Variants in IDI2 observed in about 807,000 individuals in gnomAD.
IDI2 encodes the protein isopentenyl-diphosphate delta-isomerase 2.
Under a neutral mutation model 14.8 loss-of-function variants are expected in IDI2, and 18 were observed. The observed-to-expected ratio is 1.22, with a 90% CI of 0.84 to 1.80. The LOEUF is 1.80. Among genes scored for constraint, IDI2 ranks in the 40% most tolerant of loss-of-function variants. The pLI, the probability that IDI2 is intolerant of heterozygous loss-of-function variation, is 0.00. For missense variants in IDI2, 316 were observed against 283.2 expected (o/e 1.12, Z -0.83); for synonymous variants, 133 against 109.6 (o/e 1.21, Z -1.33).
intron 2 of IDI2, among the ~76,000 whole-genome samples, chr10:1,023,666 G>A (rs1490965043): frequency 2.6e-5 from 4 of 152,140 alleles, no homozygotes; most frequent in African/African-American, 7.2e-5. Context: ...CAGAGGCTGC[G>A]AAGGGCAGTG....
chr10:1,025,051 C>CACACACACACACACAA (rs1171753367), intron 1 of IDI2, among the ~76,000 whole-genome samples: 65 of 137,872 alleles, frequency 4.7e-4, no homozygotes, highest in Admixed American at 1.5e-4. Context: ...CACACACACA[C>CACACACACACACACAA]AAAACACACC....
chr10:1,023,369 G>C (rs34884971), intron 2 of IDI2, among the ~76,000 whole-genome samples: 1 of 151,672 alleles, frequency 6.6e-6, no homozygotes, highest in Non-Finnish European at 1.5e-5. Flanking sequence ...CAAGCTACTC[G>C]GGAGGCTGAG....
rs1483362574 is a variant in IDI2 at position 1,022,733 on chromosome 10, T to C, written c.185A>G (p.Lys62Arg). The change falls in exon 3 of 5, where the codon AAG becomes AGG. Residue 62 changes from lysine to arginine, a missense_variant. Lys to Arg is a conservative substitution (Grantham distance 26). Transcript: ENST00000277517. ...RAFSVVLFNT[K>R]NRILIQQRSD... ...CCTCTGCTGTATCAGGATTCGATTC[T>C]TGGTGTTAAACAAGACAACGCTGAA... The C allele has an allele frequency of 6.2e-7, 1 of 1,614,088 alleles. No homozygotes were observed. Among genetic ancestry groups the C allele is most frequent in the African/African-American group, 1.3e-5 (1 of 74,942 alleles).
chr10:1,022,706 G>T lies in IDI2; in HGVS notation c.212C>A (p.Ser71Ter), dbSNP rs770536353. The T allele has an allele frequency of 6.2e-7, 1 of 1,613,914 alleles. No individual in the cohort carries two copies. The highest frequency in any genetic ancestry group is 8.5e-7 in the Non-Finnish European group (1 of 1,179,822). ...ACCAGGAAACGTGACTTTCGTGTCC[G>T]ACCTCTGCTGTATCAGGATTCGATT... is the stretch of plus-strand genomic sequence containing the variant. ...TKNRILIQQR[S>*]DTKVTFPGYF... Residue 71 changes from serine (S) to a stop codon, truncating the protein, a stop_gained, in exon 3 of 5, where the codon TCG (serine) becomes TAG (stop). Transcript: ENST00000277517. LOFTEE classifies it high-confidence loss of function.
At chr10:1,024,963 T>C (rs1396340179) in intron 1 of IDI2, among the ~76,000 whole-genome samples, 1 of 151,400 alleles carries the variant, frequency 6.6e-6, no homozygotes, top group Non-Finnish European at 1.5e-5. Flanking sequence ...ATACTCCTCA[T>C]GTTTTCCAGG....
Position 1,022,677 on chromosome 10 carries a change from A to C in IDI2, c.235+6T>G. On this transcript the variant is annotated splice_donor_region_variant and intron_variant, in intron 3 of 4. Transcript: ENST00000277517. ...TTCAGTCCGGGGCTTGGTTGAACGG[A>C]CTCACCAGGAAACGTGACTTTCGTG... is the stretch of plus-strand genomic sequence containing the variant. 2 of 1,608,186 alleles carry C rather than the reference A, an allele frequency of 1.2e-6. No individual in the cohort carries two copies. Among genetic ancestry groups the C allele is most frequent in the Non-Finnish European group, 1.7e-6 (2 of 1,174,758 alleles).
chr10:1,024,521 C>T (rs3793777), intron 2 of IDI2, 61 bp downstream of exon 2: 888,912 of 1,581,238 alleles, frequency 0.56, 252,070 homozygotes, highest in African/African-American at 0.66. Flanking sequence ...CTTAGGTTGC[C>T]GTCGGGTGGG....
In IDI2 at chr10:1,022,169, C is replaced by G. The variant is rs907086049; in HGVS notation, c.235+514G>C. On this transcript the variant is annotated intron_variant, in intron 3 of 4. Coordinates refer to ENST00000277517, the MANE Select transcript of IDI2 (RefSeq NM_033261.3). Reference sequence around the variant, plus strand: ...AGCTACTTGGGAGGCTGAGGCAGGACAATGGCGTGAACCCAGGAGGCGGGG... The same window carrying G: ...AGCTACTTGGGAGGCTGAGGCAGGAGAATGGCGTGAACCCAGGAGGCGGGG... 7.9e-5 allele frequency among the ~76,000 whole-genome samples: 12 copies of G among 151,250 alleles called. No individual in the cohort carries two copies. The East Asian group carries it at 1.4e-3, about 17-fold the overall frequency.
chr10:1,019,287 A>C lies in IDI2; in HGVS notation c.*230T>G. ...TATAAAATGGAAATTGGGACAAAGG[A>C]AATGTTAAATTTCCTCCCTGCAACC... On this transcript the variant is annotated 3_prime_UTR_variant, in exon 5 of 5. Coordinates refer to ENST00000277517, the MANE Select transcript of IDI2 (RefSeq NM_033261.3). 1 of 496,576 alleles carries C rather than the reference A, an allele frequency of 2.0e-6. No homozygotes were observed. Among genetic ancestry groups the C allele is most frequent in the Non-Finnish European group, 3.6e-6 (1 of 278,880 alleles). The allele number at this position is 496,576 out of a possible 1,614,324, so 30.8% of individuals were successfully genotyped here. A position where few individuals can be genotyped will look rare whatever the true frequency, so the allele number is the denominator to read the frequency against.
intron 1 of IDI2, among the ~76,000 whole-genome samples, chr10:1,025,047 CACACAA>C (rs973454067): frequency 8.0e-6 from 1 of 125,312 alleles, no homozygotes; most frequent in African/African-American, 3.1e-5. Context: ...CACACACACA[CACACAA>C]AACACACCGA....
At chr10:1,020,687 C>G (rs1194046843) in intron 4 of IDI2, 80 bp downstream of exon 4, 1 of 1,216,024 alleles carries the variant, frequency 8.2e-7, no homozygotes, top group African/African-American at 1.8e-5. Flanking sequence ...GGTGTAGATC[C>G]AGCCTGGACT....
At chr10:1,024,876 A>G in intron 1 of IDI2, 132 bp from the exon 2 acceptor site, 1 of 821,048 alleles carries the variant, frequency 1.2e-6, no homozygotes, top group South Asian at 1.7e-5. Flanking sequence ...TTGAAGCAGC[A>G]CAGTTCTGAG....
Position 1,024,685 on chromosome 10 carries a change from C to CG in IDI2, c.38_39insC (p.Gln13HisfsTer14), listed in dbSNP as rs1320504231. The CG allele has an allele frequency of 6.2e-7, 1 of 1,614,234 alleles. No individual in the cohort carries two copies. The highest frequency in any genetic ancestry group is 8.5e-7 in the Non-Finnish European group (1 of 1,180,042). ...TCAGCATTTCCTCCAAGCGCTGCAA[C>CG]TGACGCCTGTCAACCCAGTCAAGAT... On this transcript the variant is annotated frameshift_variant, in exon 2 of 5. Transcript: ENST00000277517. LOFTEE classifies it high-confidence loss of function.
In IDI2 at chr10:1,024,695, T is replaced by C. The variant is rs1832180611; in HGVS notation, c.29A>G (p.Asp10Gly). The change falls in exon 2 of 5, where the codon GAC (aspartate) becomes GGC (glycine). Residue 10 changes from aspartate to glycine, a missense_variant. Asp to Gly is a moderately conservative substitution (Grantham distance 94). Coordinates refer to ENST00000277517, the MANE Select transcript of IDI2 (RefSeq NM_033261.3). ...CTCCAAGCGCTGCAACTGACGCCTG[T>C]CAACCCAGTCAAGATTTATGTCAGA... MSDINLDWV[D>G]RRQLQRLEEM... 1 of 1,614,178 alleles carries C rather than the reference T, an allele frequency of 6.2e-7. No homozygotes were observed. Among genetic ancestry groups the C allele is most frequent in the East Asian group, 2.2e-5 (1 of 44,884 alleles).
intron 1 of IDI2, 72 bp from the exon 2 acceptor site, chr10:1,024,816 A>G (rs937673482): frequency 4.1e-6 from 6 of 1,457,164 alleles, no homozygotes; most frequent in South Asian, 2.4e-5. Flanking sequence ...TGTGTTACCA[A>G]CCACATTAGG....
At position 1,020,776 on chromosome 10, in the gene IDI2, A is replaced by G; in HGVS notation, c.357T>C (p.Pro119=). ...TGGATGCTGTGTGTACCTGCTCCCC[A>G]GGAATTCCCAGCTCTGCTTGCAGAC... The part of the protein sequence containing the change: ...QRRLQAELGI[P]GEQISPEDIV... The change falls in exon 4 of 5, where the codon CCT becomes CCC. Residue 119 remains proline (P), a synonymous_variant. Transcript: ENST00000277517. 5 of 1,611,838 alleles carry G rather than the reference A, an allele frequency of 3.1e-6. No homozygotes were observed. Among genetic ancestry groups the G allele is most frequent in the East Asian group, 2.2e-5 (1 of 44,854 alleles).
rs371814703 is a variant in IDI2, at chr10:1,020,802, G to A, written c.331C>T (p.Arg111Cys). 3.1e-6 allele frequency: 5 copies of A among 1,613,242 alleles called. No homozygotes were observed. The highest frequency in any genetic ancestry group is 2.7e-5 in the African/African-American group (2 of 74,880). The change falls in exon 4 of 5, where the codon CGT (arginine) becomes TGT (cysteine). Residue 111 changes from arginine (R) to cysteine (C), a missense_variant. Coordinates refer to ENST00000277517, the MANE Select transcript of IDI2 (RefSeq NM_033261.3). ...AIGVRRAAQRRLQAELGIPGE... is the reference protein window; with the variant it reads ...AIGVRRAAQRCLQAELGIPGE... ...GGAATTCCCAGCTCTGCTTGCAGAC[G>A]CCTCTGGGCTGCCCTCCTCACTCCG... is the stretch of plus-strand genomic sequence containing the variant.
rs767636143 is a variant in IDI2 at position 1,020,347 on chromosome 10, C to T, written c.366+420G>A. ...CTGGGATTACAGGCGTGTGCCACTA[C>T]GCCCAGCTAATTTTTGTACTTTTAA... On this transcript the variant is annotated intron_variant, in intron 4 of 4. Transcript: ENST00000277517. Among the ~76,000 whole-genome samples, 102 of 152,050 alleles carry T rather than the reference C, an allele frequency of 6.7e-4. 1 individual carries two copies. Among genetic ancestry groups the T allele is most frequent in the Non-Finnish European group, 2.6e-4 (18 of 68,022 alleles).
rs1589035582 is a variant in IDI2 at position 1,019,682 on chromosome 10, G to A, written c.519C>T (p.Tyr173=). 4 of 1,614,032 alleles carry A rather than the reference G, an allele frequency of 2.5e-6. No homozygotes were observed. Among genetic ancestry groups the A allele is most frequent in the Non-Finnish European group, 3.4e-6 (4 of 1,180,012 alleles). ...PDPSETKSIL[Y]LSQEELWELL... is the part of the protein sequence containing the mutation. ...GCTCCCACAGCTCCTCCTGGGACAGGTAGAGGATGCTTTTCGTTTCACTGG... is the reference window on the plus strand; with the variant it reads ...GCTCCCACAGCTCCTCCTGGGACAGATAGAGGATGCTTTTCGTTTCACTGG... Residue 173 remains tyrosine, a synonymous_variant, in exon 5 of 5, where the codon TAC becomes TAT. Transcript: ENST00000277517.
Sources: gnomAD v4.1 joint callset for allele counts (sites outside exome capture counted in the v4.1 genomes callset) on GRCh38, gnomAD v4.1.1 for gene constraint, MANE v1.5 for transcripts, NCBI Gene and HGNC (gene_info 2026-07-23, HGNC 2026-07-21) for gene names.